USP37: variants seen among roughly 807,000 people sequenced by gnomAD.
USP37 encodes ubiquitin specific peptidase 37.
USP37 carries 27 observed loss-of-function variants against 124.0 expected under a neutral mutation model. The observed-to-expected ratio is 0.22, with a 90% CI of 0.16 to 0.30. The LOEUF (loss-of-function observed/expected upper bound fraction) is 0.30. Ranked by LOEUF, USP37 falls within the 10% of genes least tolerant of loss-of-function variation. The probability of loss-of-function intolerance (pLI) is 1.00; values close to 1 mark genes in which losing one functional copy is unlikely to be tolerated. For synonymous variants in USP37, 365 were observed against 388.0 expected (o/e 0.94, Z 0.70); for missense variants, 889 against 1,140.4 (o/e 0.78, Z 3.17).
chr2:218,472,377 A>C (rs1314822134), intron 20 of USP37, among the ~76,000 whole-genome samples: 2 of 151,998 alleles, frequency 1.3e-5, no homozygotes, highest in Non-Finnish European at 2.9e-5. Context: ...ACACACTCAC[A>C]CTTTTCTTTT....
At chr2:218,530,161 C>T in intron 9 of USP37, 121 bp from the exon 10 acceptor site, 1 of 662,140 alleles carries the variant, frequency 1.5e-6, no homozygotes, top group East Asian at 2.8e-5. Flanking sequence ...TCATCAAATA[C>T]AGGAATACCT....
chr2:218,525,317 C>T (rs1340360269), intron 10 of USP37, among the ~76,000 whole-genome samples: 3 of 152,032 alleles, frequency 2.0e-5, no homozygotes, highest in East Asian at 3.9e-4. Flanking sequence ...TCCGTGTCTA[C>T]GAAAAATACC....
chr2:218,467,178 T>G, intron 20 of USP37, among the ~76,000 whole-genome samples: 1 of 90,988 alleles, frequency 1.1e-5, no homozygotes, highest in Admixed American at 1.2e-4. Flanking sequence ...CCCTCCCCCC[T>G]CCTCCCTTCC....
chr2:218,531,140 T>C (rs1223030871), intron 9 of USP37, among the ~76,000 whole-genome samples: 1 of 152,258 alleles, frequency 6.6e-6, no homozygotes, highest in Non-Finnish European at 1.5e-5. Context: ...TATTGGAAGA[T>C]GCCATCTAAG....
intron 17 of USP37, 32 bp downstream of exon 17, chr2:218,482,038 G>A (rs1174926749): frequency 1.3e-6 from 2 of 1,552,796 alleles, no homozygotes; most frequent in Admixed American, 3.8e-5. Flanking sequence ...TTTCAAAAGG[G>A]AATATAAAGA....
intron 6 of USP37, 101 bp from the exon 7 acceptor site, chr2:218,547,192 C>A: frequency 7.7e-7 from 1 of 1,299,712 alleles, no homozygotes; most frequent in Non-Finnish European, 1.0e-6. Flanking sequence ...ACAAATGGAG[C>A]CAGGTGCGAT....
In USP37 at chr2:218,526,785, C is replaced by CTTTTTTTTTTTTTTTT. The variant is rs71064454; in HGVS notation, c.863+3155_863+3170dup. Among the ~76,000 whole-genome samples, 51 of 75,914 alleles carry CTTTTTTTTTTTTTTTT rather than the reference C, an allele frequency of 6.7e-4. 2 individuals carry two copies. Among genetic ancestry groups the CTTTTTTTTTTTTTTTT allele is most frequent in the East Asian group, 1.6e-3 (3 of 1,876 alleles). The allele number at this position is 75,914 out of a possible 152,430, so 49.8% of individuals were successfully genotyped here. On this transcript the variant is annotated intron_variant, in intron 10 of 25. Coordinates refer to ENST00000258399, the MANE Select transcript of USP37 (RefSeq NM_020935.3). Reference sequence around the variant, plus strand: ...AACGTAAGTTTCTTCATTTCATTTGCTTTTTTTTTTTTTTTTTTTTTGGGA... The same window carrying CTTTTTTTTTTTTTTTT: ...AACGTAAGTTTCTTCATTTCATTTGCTTTTTTTTTTTTTTTTTTTTTTTTTTTTTTTTTTTTTGGGA...
At chr2:218,551,966 G>C (rs555218787) in intron 5 of USP37, among the ~76,000 whole-genome samples, 1 of 152,022 alleles carries the variant, frequency 6.6e-6, no homozygotes, top group African/African-American at 2.4e-5. Flanking sequence ...CTAATTTTTT[G>C]TATTTTTAGT....
At chr2:218,516,179 A>G (rs1436428666) in intron 10 of USP37, among the ~76,000 whole-genome samples, 1 of 152,206 alleles carries the variant, frequency 6.6e-6, no homozygotes, top group East Asian at 1.9e-4. Context: ...CAGCAATCCC[A>G]TTACTGGGTA....
At chr2:218,556,180 C>G (rs13384968) in intron 4 of USP37, among the ~76,000 whole-genome samples, 1 of 152,184 alleles carries the variant, frequency 6.6e-6, no homozygotes, top group Admixed American at 6.5e-5. Context: ...AGCCTTATTT[C>G]TGTTACTCAC....
At position 218,459,893 on chromosome 2, in the gene USP37, G is replaced by C; in HGVS notation, c.2540C>G (p.Ser847Cys). 1 of 1,612,700 alleles carries C rather than the reference G, an allele frequency of 6.2e-7. No homozygotes were observed. The change falls in exon 23 of 26, where the codon TCC (serine) becomes TGC (cysteine). Residue 847 changes from serine to cysteine, a missense_variant. This residue lies in a region of USP37 where 504 missense variants were observed against 714.3 expected (regional missense o/e 0.71). Coordinates refer to ENST00000258399, the MANE Select transcript of USP37 (RefSeq NM_020935.3). ...TELSLQEFNN[S>C]FVDALGSDED... ...ATCAGAACCCAATGCATCCACAAAG[G>C]AGTTGTTAAACTCTGAAGAATACAA...
chr2:218,534,728 C>A, intron 8 of USP37, 22 bp from the exon 9 acceptor site: 1 of 1,474,712 alleles, frequency 6.8e-7, no homozygotes, highest in Non-Finnish European at 9.3e-7. Flanking sequence ...AATTTTACAT[C>A]AATATAGTAC....
chr2:218,457,495 C>T (rs918848348), intron 23 of USP37, among the ~76,000 whole-genome samples: 1 of 152,036 alleles, frequency 6.6e-6, no homozygotes, highest in Admixed American at 6.6e-5. Context: ...AAAAAAACTA[C>T]ATGGATCAGG....
chr2:218,487,157 C>G (rs372737518), intron 15 of USP37, among the ~76,000 whole-genome samples: 2 of 152,188 alleles, frequency 1.3e-5, no homozygotes, highest in African/African-American at 4.8e-5. Context: ...ACTGCTATAA[C>G]AACAGTCTGA....
intron 23 of USP37, among the ~76,000 whole-genome samples, chr2:218,459,571 C>A (rs959212973): frequency 2.6e-5 from 4 of 151,882 alleles, no homozygotes; most frequent in Non-Finnish European, 5.9e-5. Context: ...GTAAAGTGGT[C>A]AGGATGTATT....
At chr2:218,488,698 C>T (rs567547540) in intron 14 of USP37, among the ~76,000 whole-genome samples, 1 of 152,210 alleles carries the variant, frequency 6.6e-6, no homozygotes, top group South Asian at 2.1e-4. Flanking sequence ...TACAATGGTG[C>T]GATCTCGGCT....
At chr2:218,510,576 C>T (rs1405912069) in intron 10 of USP37, among the ~76,000 whole-genome samples, 4 of 152,164 alleles carry the variant, frequency 2.6e-5, no homozygotes, top group African/African-American at 9.7e-5. Flanking sequence ...GAGGTATTTT[C>T]AATCTTCATT....
intron 8 of USP37, among the ~76,000 whole-genome samples, chr2:218,536,494 A>G (rs886697949): frequency 4.6e-5 from 7 of 152,242 alleles, no homozygotes; most frequent in African/African-American, 1.7e-4. Flanking sequence ...CGGGCGCTAC[A>G]GTAGAGAAGC....
chr2:218,466,278 C>G (rs1166682477), intron 20 of USP37, 102 bp from the exon 21 acceptor site: 2 of 1,291,968 alleles, frequency 1.5e-6, no homozygotes, highest in African/African-American at 3.0e-5. Flanking sequence ...ACCCTAATTT[C>G]ATCTATAATT....
Sources: gnomAD v4.1 joint callset for allele counts (sites outside exome capture counted in the v4.1 genomes callset) on GRCh38, gnomAD v4.1.1 for gene constraint, gnomAD v4.1.1 regional missense constraint, MANE v1.5 for transcripts, NCBI Gene and HGNC (gene_info 2026-07-23, HGNC 2026-07-21) for gene names.